The following NOTCH2 variants were observed in gnomAD, a reference collection of about 807,000 sequenced individuals.
The protein encoded by NOTCH2 is notch receptor 2.
In NOTCH2, 29 loss-of-function variants were observed where a neutral mutation model predicts 235.8. The ratio of observed to expected loss-of-function variants is 0.12; its 90% CI spans 0.09 to 0.17. The LOEUF (loss-of-function observed/expected upper bound fraction) is 0.17, where lower values mean the gene tolerates loss of function less well. Ranked by LOEUF, NOTCH2 falls within the 10% of genes least tolerant of loss-of-function variation. The pLI is 1.00. For synonymous variants in NOTCH2, 1,086 were observed against 1,141.5 expected, an observed-to-expected ratio of 0.95 and a Z score of 0.98; for missense variants, 2,285 against 3,150.2, an observed-to-expected ratio of 0.73 and a Z score of 6.57.
chr1:119,913,657 T>C lies in NOTCH2; in HGVS notation c.*1649A>G. On this transcript the variant is annotated 3_prime_UTR_variant, in exon 34 of 34. Transcript: ENST00000256646. ...TCAAAGAAATTGCCAAGAGCATGAA[T>C]ACAGAGAGTGGATTCAGGTGAGGGG... 4.3e-6 allele frequency: 1 copy of C among 233,244 alleles called. No individual in the cohort carries two copies. The highest frequency in any genetic ancestry group is 6.0e-5 in the East Asian group (1 of 16,578). 14.4% of individuals were successfully genotyped at this position (233,244 alleles called of 1,614,324 possible). A position where few individuals can be genotyped will look rare whatever the true frequency, so the allele number is the denominator to read the frequency against.
intron 22 of NOTCH2, among the ~76,000 whole-genome samples, chr1:119,932,143 C>A (rs1385943968): frequency 6.6e-6 from 1 of 151,898 alleles, no homozygotes; most frequent in Non-Finnish European, 1.5e-5. Context: ...ATGATAAATG[C>A]ACATATTATC....
chr1:120,067,361 AAGCT>A (rs1219085339), intron 1 of NOTCH2, among the ~76,000 whole-genome samples: 2 of 151,548 alleles, frequency 1.3e-5, no homozygotes, highest in African/African-American at 4.9e-5. Flanking sequence ...GACTACCTAA[AAGCT>A]AGCTAATAAT....
intron 2 of NOTCH2, among the ~76,000 whole-genome samples, chr1:120,010,637 A>G (rs1653152610): frequency 6.6e-6 from 1 of 151,928 alleles, no homozygotes; most frequent in African/African-American, 2.4e-5. Context: ...AACACTATCC[A>G]GCACATAGTA....
chr1:119,920,789 C>T (rs587714117), intron 29 of NOTCH2, among the ~76,000 whole-genome samples: 12 of 152,318 alleles, frequency 7.9e-5, no homozygotes, highest in Non-Finnish European at 1.6e-4. Flanking sequence ...ACTACATGGC[C>T]ATCTCCACCA....
intron 17 of NOTCH2, among the ~76,000 whole-genome samples, chr1:119,945,461 G>C (rs1553196941): frequency 6.6e-6 from 1 of 151,956 alleles, no homozygotes; most frequent in East Asian, 1.9e-4. Flanking sequence ...AAAAAGACAA[G>C]ACCCAATATA....
intron 19 of NOTCH2, among the ~76,000 whole-genome samples, chr1:119,939,541 T>C (rs1372407192): frequency 6.6e-6 from 1 of 152,202 alleles, no homozygotes; most frequent in East Asian, 1.9e-4. Context: ...CCTAAAACCG[T>C]TTAAGAGCTT....
chr1:119,979,630 A>G (rs1651732806), intron 5 of NOTCH2, among the ~76,000 whole-genome samples: 1 of 152,234 alleles, frequency 6.6e-6, no homozygotes, highest in African/African-American at 2.4e-5. Flanking sequence ...AGAAATGAAA[A>G]TGTTGTGACA....
At chr1:120,029,660 C>G (rs1250440420) in intron 2 of NOTCH2, among the ~76,000 whole-genome samples, 4 of 151,428 alleles carry the variant, frequency 2.6e-5, no homozygotes, top group African/African-American at 9.7e-5. Flanking sequence ...ACCCCATATA[C>G]ATTAACTAGC....
At position 119,997,082 on chromosome 1, in the gene NOTCH2, A is replaced by G. The variant is rs782282836; in HGVS notation, c.666T>C (p.Tyr222=). 6.2e-6 allele frequency: 10 copies of G among 1,613,898 alleles called. No homozygotes were observed. The highest frequency in any genetic ancestry group is 1.3e-5 in the African/African-American group (1 of 74,950). The change falls in exon 4 of 34, where the codon TAT becomes TAC. Residue 222 remains tyrosine (Y), a synonymous_variant. Coordinates refer to ENST00000256646, the MANE Select transcript of NOTCH2 (RefSeq NM_024408.4). ...CACAAGGTGAGGGTGCACAGGGCAC[A>G]TACAGGCTGTCACAGTACTGGCCTG... The part of the protein sequence containing the change: ...GFTGQYCDSL[Y]VPCAPSPCVN...
At chr1:119,934,993 G>T in intron 22 of NOTCH2, 1 of 589,458 alleles carries the variant, frequency 1.7e-6, no homozygotes. Flanking sequence ...TCCTAAGGTA[G>T]AACCTTACAC....
At chr1:119,920,087 T>TAAGCATTCATTTCCTC (rs1553193934) in intron 30 of NOTCH2, 142 bp downstream of exon 30, 30 of 861,626 alleles carry the variant, frequency 3.5e-5, no homozygotes, top group Non-Finnish European at 5.0e-5. Flanking sequence ...CTACATTCCT[T>TAAGCATTCATTTCCTC]AAGCATTCAT....
chr1:119,995,566 A>C (rs750890121), intron 4 of NOTCH2: 5 of 152,242 alleles, frequency 3.3e-5, no homozygotes, highest in African/African-American at 9.6e-5. Context: ...CAAATGCAGG[A>C]GTGAAGACAG....
intron 14 of NOTCH2, 99 bp downstream of exon 14, chr1:119,953,444 T>C (rs1650562524): frequency 1.6e-6 from 2 of 1,289,860 alleles, no homozygotes; most frequent in South Asian, 1.2e-5. Context: ...GTTACACGAA[T>C]GAATGAAAAA....
chr1:119,935,102 A>C, intron 22 of NOTCH2: 1 of 985,274 alleles, frequency 1.0e-6, no homozygotes, highest in Non-Finnish European at 1.2e-6. Context: ...TTAAAAAAAT[A>C]CAAAAGCAGG....
chr1:119,973,334 A>G (rs961562388), intron 5 of NOTCH2, among the ~76,000 whole-genome samples: 2 of 133,846 alleles, frequency 1.5e-5, no homozygotes, highest in East Asian at 4.9e-4. Flanking sequence ...TTATTCTAAA[A>G]TTCCCAGTGG....
chr1:119,947,423 T>C (rs59024536), intron 17 of NOTCH2, among the ~76,000 whole-genome samples: 7,719 of 152,276 alleles, frequency 0.051, 310 homozygotes, highest in South Asian at 0.11. Flanking sequence ...CTTAACATCA[T>C]TGGCAGAGAG....
intron 22 of NOTCH2, among the ~76,000 whole-genome samples, chr1:119,931,906 A>G (rs1460410489): frequency 6.6e-6 from 1 of 150,486 alleles, no homozygotes; most frequent in Admixed American, 6.6e-5. Flanking sequence ...CTGGGAATAT[A>G]TTTGTTTTTT....
At chr1:119,928,838 C>A (rs1283265282) in intron 23 of NOTCH2, 138 bp downstream of exon 23, 5 of 732,716 alleles carry the variant, frequency 6.8e-6, no homozygotes, top group Non-Finnish European at 1.2e-5. Flanking sequence ...AAAAAACTGG[C>A]TTTAAAAAAT....
chr1:120,063,970 A>C (rs587683357), intron 1 of NOTCH2, among the ~76,000 whole-genome samples: 32 of 152,272 alleles, frequency 2.1e-4, no homozygotes, highest in African/African-American at 7.5e-4. Context: ...CAATCACCTC[A>C]GACATGCTCC....
Sources: allele counts gnomAD v4.1 joint callset (sites outside exome capture counted in the v4.1 genomes callset), GRCh38; gene constraint gnomAD v4.1.1; transcripts MANE v1.5; gene names NCBI Gene and HGNC (gene_info 2026-07-23, HGNC 2026-07-21).